Variants in ZNF148 observed in about 807,000 individuals in gnomAD.
ZNF148 encodes the protein zinc finger protein 148, also known as Beta-Enolase Repressor Factor-1.
Under a neutral mutation model 67.7 loss-of-function variants are expected in ZNF148, and 7 were observed. The ratio of observed to expected loss-of-function variants is 0.10; its 90% CI spans 0.06 to 0.19. The LOEUF (loss-of-function observed/expected upper bound fraction) is 0.19. Among genes scored for constraint, ZNF148 ranks in the 10% least tolerant of loss-of-function variants. ZNF148 has a pLI of 1.00. For missense variants in ZNF148, 583 were observed against 947.1 expected, an observed-to-expected ratio of 0.62 and a Z score of 5.05; for synonymous variants, 333 against 330.7, an observed-to-expected ratio of 1.01 and a Z score of -0.08.
At chr3:125,287,549 G>A (rs1938730945) in intron 5 of ZNF148, among the ~76,000 whole-genome samples, 1 of 152,176 alleles carries the variant, frequency 6.6e-6, no homozygotes, top group South Asian at 2.1e-4. Context: ...TGAGGGAGGA[G>A]GATCCCTTGA....
chr3:125,317,662 T>TATATATATATATATAGAGAGAGAG (rs752542874), intron 3 of ZNF148, among the ~76,000 whole-genome samples: 2 of 90,022 alleles, frequency 2.2e-5, no homozygotes, highest in Non-Finnish European at 4.4e-5. Flanking sequence ...TATATATATA[T>TATATATATATATATAGAGAGAGAG]AGAGAGAGAG....
At chr3:125,322,181 C>G (rs1045906519) in intron 3 of ZNF148, among the ~76,000 whole-genome samples, 2 of 151,892 alleles carry the variant, frequency 1.3e-5, no homozygotes, top group Non-Finnish European at 2.9e-5. Context: ...AGGGGCCCAC[C>G]ACCTCGCACG....
intron 7 of ZNF148, among the ~76,000 whole-genome samples, chr3:125,267,895 T>G (rs1381904026): frequency 6.6e-6 from 1 of 151,858 alleles, no homozygotes; most frequent in Non-Finnish European, 1.5e-5. Flanking sequence ...GGATACAAAA[T>G]CAACAGCATT....
intron 4 of ZNF148, among the ~76,000 whole-genome samples, chr3:125,292,300 G>GT (rs973059506): frequency 1.3e-5 from 2 of 152,146 alleles, no homozygotes; most frequent in African/African-American, 4.8e-5. Context: ...GCTATCCTTT[G>GT]ATTTTCGAAA....
At chr3:125,357,200 C>G in intron 1 of ZNF148, 1 of 152,484 alleles carries the variant, frequency 6.6e-6, no homozygotes, top group East Asian at 1.9e-4. Context: ...GGCGCGGTAT[C>G]TGGGAGGTCC....
chr3:125,335,325 C>T (rs1357458835), intron 1 of ZNF148, among the ~76,000 whole-genome samples: 1 of 152,086 alleles, frequency 6.6e-6, no homozygotes, highest in East Asian at 1.9e-4. Context: ...GCTTAACCAC[C>T]ATACAACACT....
At chr3:125,326,579 G>C (rs2107700849) in intron 2 of ZNF148, among the ~76,000 whole-genome samples, 1 of 150,310 alleles carries the variant, frequency 6.7e-6, no homozygotes, top group African/African-American at 2.4e-5. Context: ...CAAAAACATA[G>C]GTGATATCTA....
At chr3:125,257,869 C>T (rs1052185092) in intron 7 of ZNF148, among the ~76,000 whole-genome samples, 67 of 152,236 alleles carry the variant, frequency 4.4e-4, no homozygotes, top group African/African-American at 2.4e-5. Context: ...TGTCTTGTTA[C>T]TCATTTCCTA....
chr3:125,363,541 C>G (rs1942607707), intron 1 of ZNF148, among the ~76,000 whole-genome samples: 1 of 152,204 alleles, frequency 6.6e-6, no homozygotes, highest in Non-Finnish European at 1.5e-5. Flanking sequence ...CTACTGTTTC[C>G]CAAAAGCCTA....
At chr3:125,354,037 TA>T (rs1404293062) in intron 1 of ZNF148, among the ~76,000 whole-genome samples, 1 of 152,152 alleles carries the variant, frequency 6.6e-6, no homozygotes, top group African/African-American at 2.4e-5. Flanking sequence ...TTTTCCATAA[TA>T]AAAGGTTAAT....
chr3:125,293,124 A>G (rs564514158), intron 4 of ZNF148, among the ~76,000 whole-genome samples: 11 of 152,204 alleles, frequency 7.2e-5, no homozygotes, highest in Non-Finnish European at 1.2e-4. Flanking sequence ...TTAGTTTTGA[A>G]TATGGTAAAT....
At chr3:125,323,286 T>C (rs1251248487) in intron 3 of ZNF148, 23 bp downstream of exon 3, 4 of 567,128 alleles carry the variant, frequency 7.1e-6, no homozygotes, top group African/African-American at 5.7e-5. Flanking sequence ...TTCAAGATTA[T>C]GAAAAATAAG....
intron 7 of ZNF148, among the ~76,000 whole-genome samples, chr3:125,274,505 T>C (rs544188736): frequency 6.6e-6 from 1 of 152,312 alleles, no homozygotes; most frequent in East Asian, 1.9e-4. Context: ...TAAAATGGTG[T>C]TTCATAGACA....
chr3:125,278,865 A>G (rs1042961810), intron 6 of ZNF148, among the ~76,000 whole-genome samples: 4 of 152,180 alleles, frequency 2.6e-5, no homozygotes, highest in Non-Finnish European at 5.9e-5. Flanking sequence ...TTCTTTAATC[A>G]TTTCTCTAGC....
At chr3:125,317,002 T>C (rs1940528746) in intron 3 of ZNF148, among the ~76,000 whole-genome samples, 1 of 152,158 alleles carries the variant, frequency 6.6e-6, no homozygotes, top group South Asian at 2.1e-4. Flanking sequence ...AGAGCACACC[T>C]TGATACAGAA....
intron 1 of ZNF148, among the ~76,000 whole-genome samples, chr3:125,358,806 TG>T (rs750820567): frequency 1.3e-5 from 2 of 152,196 alleles, no homozygotes; most frequent in Non-Finnish European, 2.9e-5. Flanking sequence ...GAACAGCAAG[TG>T]TGCATTTCAT....
intron 1 of ZNF148, among the ~76,000 whole-genome samples, chr3:125,335,402 T>G (rs578145432): frequency 6.6e-6 from 1 of 152,166 alleles, no homozygotes; most frequent in Non-Finnish European, 1.5e-5. Context: ...CAAGGTCACA[T>G]AAACCTAATA....
At chr3:125,358,514 G>T (rs1942439782) in intron 1 of ZNF148, among the ~76,000 whole-genome samples, 1 of 151,870 alleles carries the variant, frequency 6.6e-6, no homozygotes, top group African/African-American at 2.4e-5. Context: ...ACACAAATTT[G>T]CCCCAAACTG....
At chr3:125,321,520 G>A (rs1008994320) in intron 3 of ZNF148, among the ~76,000 whole-genome samples, 1 of 151,958 alleles carries the variant, frequency 6.6e-6, no homozygotes, top group African/African-American at 2.4e-5. Context: ...CAGAATCTAG[G>A]CATATTCTGC....
Sources: allele counts gnomAD v4.1 joint callset (sites outside exome capture counted in the v4.1 genomes callset), GRCh38; gene constraint gnomAD v4.1.1; transcripts MANE v1.5; gene names NCBI Gene and HGNC (gene_info 2026-07-23, HGNC 2026-07-21).